The following SECISBP2L variants were observed in gnomAD, a reference collection of about 807,000 sequenced individuals.
SECISBP2L encodes the protein selenocysteine insertion sequence-binding protein 2-like.
SECISBP2L carries 43 observed loss-of-function variants against 114.7 expected under a neutral mutation model. The ratio of observed to expected loss-of-function variants is 0.38; its 90% CI spans 0.29 to 0.48. The LOEUF (loss-of-function observed/expected upper bound fraction) is 0.48, where lower values mean the gene tolerates loss of function less well. Ranked by LOEUF, SECISBP2L falls within the 20% of genes least tolerant of loss-of-function variation. SECISBP2L has a pLI of 0.98. For synonymous variants in SECISBP2L, 451 were observed against 439.7 expected (o/e 1.03, Z -0.32); for missense variants, 1,136 against 1,301.1 (o/e 0.87, Z 1.95).
At chr15:49,024,613 C>G (rs16961982) in intron 7 of SECISBP2L, among the ~76,000 whole-genome samples, 24,857 of 151,540 alleles carry the variant, frequency 0.16, 3,267 homozygotes, top group African/African-American at 0.36. Flanking sequence ...TACCATGGAT[C>G]AAAATAAATC....
chr15:49,013,663 C>T lies in SECISBP2L; in HGVS notation c.1562-846G>A, dbSNP rs190082617. 6.2e-3 allele frequency among the ~76,000 whole-genome samples: 948 copies of T among 152,218 alleles called. 7 individuals are homozygous for T. The highest frequency in any genetic ancestry group is 0.01 in the Non-Finnish European group (700 of 67,996). On this transcript the variant is annotated intron_variant, in intron 11 of 17. Transcript: ENST00000559471. ...GGCTTCTTCCAATCCTTTACTATAC[C>T]TAAATCCCCAACCTCAATCCTCTCA... is the stretch of plus-strand genomic sequence containing the variant.
intron 1 of SECISBP2L, among the ~76,000 whole-genome samples, chr15:49,038,223 G>C (rs919304301): frequency 2.0e-5 from 3 of 151,948 alleles, no homozygotes; most frequent in African/African-American, 4.8e-5. Flanking sequence ...CTGGAAATTA[G>C]ATCAGTATCA....
intron 14 of SECISBP2L, among the ~76,000 whole-genome samples, chr15:49,007,622 T>A (rs1334003267): frequency 6.6e-6 from 1 of 152,230 alleles, no homozygotes; most frequent in African/African-American, 2.4e-5. Context: ...ATTAAATTCC[T>A]AAGGATATAA....
chr15:48,992,572 T>C lies in SECISBP2L; in HGVS notation c.2978A>G (p.Asp993Gly), dbSNP rs2141056947. 2.5e-6 allele frequency: 4 copies of C among 1,607,040 alleles called. No individual in the cohort carries two copies. The highest frequency in any genetic ancestry group is 2.5e-6 in the Non-Finnish European group (3 of 1,176,860). The change falls in exon 18 of 18, where the codon GAT becomes GGT. Residue 993 changes from aspartate to glycine, a missense_variant. Physicochemically the swap from Asp to Gly is moderately conservative, Grantham distance 94. This residue lies in a region of SECISBP2L where 684 missense variants were observed against 848.7 expected (regional missense o/e 0.81). Transcript: ENST00000559471. The part of the protein sequence containing the change: ...LVPGMLEEEE[D>G]EDEEEEEDYT... ...ATCTTCCTCCTCCTCCTCATCTTCA[T>C]CTTCTTCTTCTTCAAGCATGCCAGG...
intron 4 of SECISBP2L, among the ~76,000 whole-genome samples, chr15:49,030,161 C>A (rs1001471368): frequency 6.6e-6 from 1 of 152,014 alleles, no homozygotes; most frequent in African/African-American, 2.4e-5. Context: ...TTGAGTTGTG[C>A]TCTGCTTAAT....
At position 49,033,103 on chromosome 15, in the gene SECISBP2L, G is replaced by A; in HGVS notation, c.529-3C>T. On this transcript the variant is annotated splice_polypyrimidine_tract_variant and splice_region_variant and intron_variant, in intron 3 of 17. Transcript: ENST00000559471. ...ATGTGCTGTTGTAAAAGCTGTTGCT[G>A]ATTTAAAAAAAAAACAAAAAAACAA... 2 of 1,598,580 alleles carry A rather than the reference G, an allele frequency of 1.3e-6. No individual in the cohort carries two copies. The highest frequency in any genetic ancestry group is 1.1e-5 in the South Asian group (1 of 87,654).
At chr15:49,014,468 G>A (rs1189453889) in intron 11 of SECISBP2L, among the ~76,000 whole-genome samples, 1 of 151,916 alleles carries the variant, frequency 6.6e-6, no homozygotes, top group African/African-American at 2.4e-5. Flanking sequence ...TGCTAAATAG[G>A]AACCACCAGA....
chr15:49,028,611 T>C lies in SECISBP2L; in HGVS notation c.736A>G (p.Arg246Gly), dbSNP rs1252654857. 8 of 1,614,072 alleles carry C rather than the reference T, an allele frequency of 5.0e-6. No individual in the cohort carries two copies. The highest frequency in any genetic ancestry group is 6.8e-6 in the Non-Finnish European group (8 of 1,180,034). The change falls in exon 5 of 18, where the codon AGG becomes GGG. Residue 246 changes from arginine (R) to glycine (G), a missense_variant. By Grantham distance (125) the Arg-to-Gly change is moderately radical. Around this residue, in one of 2 missense-constraint regions of SECISBP2L, gnomAD observed 452 missense variants for 452.3 expected, o/e 1.00. Coordinates refer to ENST00000559471, the MANE Select transcript of SECISBP2L (RefSeq NM_001193489.2). The stretch of plus-strand genomic sequence containing the variant: ...GTAGGGTGGGATGCTCTTCTTCTCC[T>C]GCCCTTGGACTTCCAGAGCATTGTT... ...TATMLWKSKG[R>G]RRRASHPTAE... is the part of the protein sequence containing the mutation.
intron 4 of SECISBP2L, among the ~76,000 whole-genome samples, chr15:49,029,535 T>A: frequency 6.6e-6 from 1 of 152,228 alleles, no homozygotes. Context: ...TACCACAGTG[T>A]ACTTATCCTT....
Position 49,016,894 on chromosome 15 carries a change from G to A in SECISBP2L, c.1373C>T (p.Thr458Ile). 6.2e-7 allele frequency: 1 copy of A among 1,613,830 alleles called. No individual in the cohort carries two copies. ...KKKALAAALA[T>I]AQEYSEISME... ...ACTTATTTCTGAATACTCTTGAGCT[G>A]TGGCAAGGGCTGCTGCTAAAGCTTT... The change falls in exon 10 of 18, where the codon ACA (threonine) becomes ATA (isoleucine). Residue 458 changes from threonine (T) to isoleucine (I), a missense_variant. Thr to Ile is a moderately conservative substitution (Grantham distance 89). This residue lies in a region of SECISBP2L where 684 missense variants were observed against 848.7 expected (regional missense o/e 0.81). Coordinates refer to ENST00000559471, the MANE Select transcript of SECISBP2L (RefSeq NM_001193489.2).
At position 48,992,700 on chromosome 15, in the gene SECISBP2L, G is replaced by C; in HGVS notation, c.2850C>G (p.Asp950Glu). The change falls in exon 18 of 18, where the codon GAC (aspartate) becomes GAG (glutamate). Residue 950 changes from aspartate (D) to glutamate (E), a missense_variant. Physicochemically the swap from Asp to Glu is conservative, Grantham distance 45 (BLOSUM62 2). Coordinates refer to ENST00000559471, the MANE Select transcript of SECISBP2L (RefSeq NM_001193489.2). ...ASDKEEVKPDDLEWASQQSTE... is the reference protein window; with the variant it reads ...ASDKEEVKPDELEWASQQSTE... ...TACTCTGCTGTGAGGCCCATTCCAG[G>C]TCATCTGGCTTCACTTCCTCTTTAT... 6.2e-7 allele frequency: 1 copy of C among 1,614,144 alleles called. No individual in the cohort carries two copies. Among genetic ancestry groups the C allele is most frequent in the Non-Finnish European group, 8.5e-7 (1 of 1,180,034 alleles).
At position 49,011,879 on chromosome 15, in the gene SECISBP2L, C is replaced by G. The variant is rs1182069049; in HGVS notation, c.1732-16G>C. ...TTAAAATAACCTAAAAGTCATTACACTAGTCTTTAATTACAGATTACTCTT... is the reference window on the plus strand; with the variant it reads ...TTAAAATAACCTAAAAGTCATTACAGTAGTCTTTAATTACAGATTACTCTT... On this transcript the variant is annotated splice_polypyrimidine_tract_variant and intron_variant, in intron 12 of 17. Coordinates refer to ENST00000559471, the MANE Select transcript of SECISBP2L (RefSeq NM_001193489.2). 1.9e-6 allele frequency: 3 copies of G among 1,612,762 alleles called. No individual in the cohort carries two copies. In the East Asian group the frequency reaches 6.7e-5, roughly 36 times the overall value.
intron 3 of SECISBP2L, 90 bp downstream of exon 3, chr15:49,035,244 G>A (rs1488093869): frequency 6.6e-6 from 7 of 1,065,664 alleles, no homozygotes; most frequent in Non-Finnish European, 8.2e-6. Flanking sequence ...AGTAAATTCA[G>A]CATTAATGGT....
In SECISBP2L at chr15:49,044,211, T is replaced by C. The variant is rs184189590; in HGVS notation, c.24+2065A>G. On this transcript the variant is annotated intron_variant, in intron 1 of 17. Coordinates refer to ENST00000559471, the MANE Select transcript of SECISBP2L (RefSeq NM_001193489.2). Reference sequence around the variant, plus strand: ...AATGGAAATTGACACATATTACATATACTTTTCAATGACGTCAATCTACCT... The same window carrying C: ...AATGGAAATTGACACATATTACATACACTTTTCAATGACGTCAATCTACCT... Among the ~76,000 whole-genome samples the C allele has an allele frequency of 2.1e-3, 320 of 152,276 alleles. 3 individuals carry two copies. The highest frequency in any genetic ancestry group is 7.5e-3 in the African/African-American group (311 of 41,570).
intron 1 of SECISBP2L, 92 bp downstream of exon 1, chr15:49,046,184 C>A: frequency 6.9e-7 from 1 of 1,440,406 alleles, no homozygotes; most frequent in Non-Finnish European, 9.4e-7. Context: ...AGGACCGGCC[C>A]CCGGTCCCCA....
intron 11 of SECISBP2L, among the ~76,000 whole-genome samples, chr15:49,015,403 T>G (rs1300526154): frequency 6.6e-6 from 1 of 152,178 alleles, no homozygotes; most frequent in Non-Finnish European, 1.5e-5. Context: ...TAACAGAGGT[T>G]GATAGTGGAT....
intron 4 of SECISBP2L, among the ~76,000 whole-genome samples, chr15:49,031,037 C>CTTTTTTTTTTT (rs373799142): frequency 1.2e-5 from 1 of 83,200 alleles, no homozygotes; most frequent in East Asian, 3.8e-4. Flanking sequence ...TTATCATTTT[C>CTTTTTTTTTTT]TTTTTTTTTT....
chr15:49,016,811 T>C (rs1902546185), intron 10 of SECISBP2L, 37 bp downstream of exon 10: 1 of 1,594,420 alleles, frequency 6.3e-7, no homozygotes, highest in Non-Finnish European at 8.5e-7. Context: ...ACCTAGCAAG[T>C]AAACTATCAC....
chr15:49,005,050 C>A (rs753546721), intron 14 of SECISBP2L, among the ~76,000 whole-genome samples: 2 of 152,056 alleles, frequency 1.3e-5, no homozygotes, highest in Non-Finnish European at 2.9e-5. Context: ...CCACTATTGG[C>A]TGGGCGCAGT....
Sources: gnomAD v4.1 joint callset for allele counts (sites outside exome capture counted in the v4.1 genomes callset) on GRCh38, gnomAD v4.1.1 for gene constraint, gnomAD v4.1.1 regional missense constraint, MANE v1.5 for transcripts, NCBI Gene and HGNC (gene_info 2026-07-23, HGNC 2026-07-21) for gene names.